Variants in CHAT observed in about 807,000 individuals in gnomAD.
The protein encoded by CHAT is acetyl CoA:choline O-acetyltransferase.
CHAT carries 61 observed loss-of-function variants against 76.9 expected under a neutral mutation model. The observed-to-expected ratio is 0.79, with a 90% CI of 0.65 to 0.98. The LOEUF is 0.98. CHAT is among the 50% of genes least tolerant of loss of function. CHAT has a pLI of 0.00. For synonymous variants in CHAT, 407 were observed against 397.4 expected, an observed-to-expected ratio of 1.02 and a Z score of -0.29; for missense variants, 946 against 986.9, an observed-to-expected ratio of 0.96 and a Z score of 0.56.
rs991870744 is a variant in CHAT, at chr10:49,619,756, A to G, written c.419A>G (p.Gln140Arg). The change falls in exon 3 of 15, where the codon CAG becomes CGG. Residue 140 changes from glutamine to arginine, a missense_variant. Around this residue, in one of 3 missense-constraint regions of CHAT, gnomAD observed 548 missense variants for 516.2 expected, o/e 1.06. Transcript: ENST00000337653. ...CCCAAACTGCCCGTGCCCCCGCTGC[A>G]GCAGACCCTGGCCACGTACCTGCAG... ...GLPKLPVPPL[Q>R]QTLATYLQCM... is the part of the protein sequence containing the mutation. 2.5e-6 allele frequency: 4 copies of G among 1,613,430 alleles called. No homozygotes were observed. Among genetic ancestry groups the G allele is most frequent in the Admixed American group, 3.3e-5 (2 of 59,998 alleles).
chr10:49,627,966 C>T (rs780163569), intron 7 of CHAT, among the ~76,000 whole-genome samples, 181 bp downstream of exon 7: 3 of 152,064 alleles, frequency 2.0e-5, no homozygotes, highest in Non-Finnish European at 4.4e-5. Flanking sequence ...TTTGTGCCCT[C>T]GTGTTCCATC....
Position 49,666,955 on chromosome 10 carries a change from G to C in CHAT, c.*1909G>C. Among the ~76,000 whole-genome samples, 1 of 152,134 alleles carries C rather than the reference G, an allele frequency of 6.6e-6. No homozygotes were observed. The highest frequency in any genetic ancestry group is 1.9e-4 in the East Asian group (1 of 5,180). On this transcript the variant is annotated 3_prime_UTR_variant, in exon 15 of 15. Transcript: ENST00000337653. Reference sequence around the variant, plus strand: ...CTCCTCCGGTTCCTTTCCCTCCATGGATTTCTGCGCAGACATAGAGCTCCA... The same window carrying C: ...CTCCTCCGGTTCCTTTCCCTCCATGCATTTCTGCGCAGACATAGAGCTCCA...
At chr10:49,620,363 T>C (rs909140458) in intron 3 of CHAT, 132 bp from the exon 4 acceptor site, 3 of 764,232 alleles carry the variant, frequency 3.9e-6, no homozygotes, top group African/African-American at 1.7e-5. Flanking sequence ...TCCTGGCACA[T>C]ACCTGGGGCT....
chr10:49,652,237 C>T (rs757236461), intron 11 of CHAT, among the ~76,000 whole-genome samples: 8 of 152,066 alleles, frequency 5.3e-5, no homozygotes, highest in Non-Finnish European at 8.8e-5. Flanking sequence ...CACAGGGGCA[C>T]GGAGCTCCAA....
intron 11 of CHAT, 21 bp from the exon 12 acceptor site, chr10:49,655,074 T>C (rs1839989961): frequency 1.2e-6 from 2 of 1,613,930 alleles, no homozygotes; most frequent in East Asian, 4.5e-5. Context: ...CCATGTGCCA[T>C]TCATCCTTCA....
intron 5 of CHAT, among the ~76,000 whole-genome samples, chr10:49,623,431 TTTAATTAA>T (rs563263302): frequency 6.6e-6 from 1 of 152,220 alleles, no homozygotes; most frequent in Admixed American, 6.5e-5. Context: ...GTTTTGAACC[TTTAATTAA>T]TTAATTAATT....
chr10:49,662,822 C>A, intron 14 of CHAT, 40 bp downstream of exon 14: 1 of 1,613,760 alleles, frequency 6.2e-7, no homozygotes, highest in South Asian at 1.1e-5. Context: ...GTAGTGTAGT[C>A]AGTAAGCTTT....
intron 11 of CHAT, 150 bp from the exon 12 acceptor site, chr10:49,654,945 C>T (rs1839985644): frequency 2.2e-6 from 2 of 895,766 alleles, no homozygotes; most frequent in Non-Finnish European, 3.5e-6. Flanking sequence ...TGGGAATTCC[C>T]TCTAGAATTC....
upstream of CHAT, chr10:49,610,554 C>A: frequency 1.8e-6 from 1 of 546,138 alleles, no homozygotes; most frequent in Non-Finnish European, 3.0e-6. Context: ...AGCTGCAACG[C>A]CTCGCCGGAC....
chr10:49,643,170 A>G (rs145799608), intron 7 of CHAT, among the ~76,000 whole-genome samples: 1 of 152,386 alleles, frequency 6.6e-6, no homozygotes, highest in Non-Finnish European at 1.5e-5. Context: ...TATATGCATC[A>G]ATATGCATGT....
chr10:49,611,285 G>T, upstream of CHAT: 1 of 1,609,890 alleles, frequency 6.2e-7, no homozygotes, highest in Non-Finnish European at 8.5e-7. Context: ...TTCGCGGCGC[G>T]CAGCCTGCAG....
intron 2 of CHAT, among the ~76,000 whole-genome samples, chr10:49,618,832 T>G (rs1319179793): frequency 6.6e-6 from 1 of 152,216 alleles, no homozygotes; most frequent in Non-Finnish European, 1.5e-5. Context: ...AAGTATAAGA[T>G]AGCGAGGTCA....
intron 7 of CHAT, among the ~76,000 whole-genome samples, chr10:49,642,814 T>C (rs115136176): frequency 0.027 from 4,160 of 152,356 alleles, 54 homozygotes; most frequent in Middle Eastern, 0.034. Flanking sequence ...GTGTACAGCA[T>C]TCAAGCTGCC....
chr10:49,614,425 C>A lies in CHAT; in HGVS notation c.236C>A (p.Pro79His). The change falls in exon 1 of 15, where the codon CCT becomes CAT. Residue 79 changes from proline (P) to histidine (H), a missense_variant. Coordinates refer to ENST00000337653, the MANE Select transcript of CHAT (RefSeq NM_020549.5). ...PLPAHTPAHT[P>H]EWCGAASAEA... ...CCGGCTCACACCCCCGCCCACACTC[C>A]TGAGTGGTGCGGTGCAGCGTCGGCC... 1.9e-6 allele frequency: 3 copies of A among 1,547,752 alleles called. No individual in the cohort carries two copies. The highest frequency in any genetic ancestry group is 2.6e-6 in the Non-Finnish European group (3 of 1,146,742).
intron 7 of CHAT, chr10:49,637,316 T>C (rs896271110): frequency 3.3e-5 from 5 of 152,198 alleles, no homozygotes; most frequent in Admixed American, 3.3e-4. Context: ...TCATATGGTG[T>C]ATTTTAGTTT....
chr10:49,635,583 C>T (rs542961578), intron 7 of CHAT, among the ~76,000 whole-genome samples: 3 of 152,258 alleles, frequency 2.0e-5, no homozygotes, highest in East Asian at 1.9e-4. Context: ...TGCATCTTTG[C>T]CAGCATTTGG....
At chr10:49,649,445 G>C (rs1336201015) in intron 9 of CHAT, 63 bp from the exon 10 acceptor site, 3 of 1,611,838 alleles carry the variant, frequency 1.9e-6, no homozygotes, top group Non-Finnish European at 2.5e-6. Context: ...ACAGAGCAAA[G>C]AAGAGATGCC....
In CHAT at chr10:49,625,569, C is replaced by G; in HGVS notation, c.849C>G (p.Pro283=). ...GGCTCTTCTCCTCCTACCGGCTCCC[C>G]GGCCATACCCAGGACACGCTGGTGG... The part of the protein sequence containing the change: ...YYGLFSSYRL[P]GHTQDTLVAQ... The change falls in exon 6 of 15, where the codon CCC becomes CCG. Residue 283 remains proline, a synonymous_variant. Coordinates refer to ENST00000337653, the MANE Select transcript of CHAT (RefSeq NM_020549.5). 1.2e-6 allele frequency: 2 copies of G among 1,612,172 alleles called. No homozygotes were observed. The highest frequency in any genetic ancestry group is 1.7e-6 in the Non-Finnish European group (2 of 1,179,276).
intron 8 of CHAT, chr10:49,647,051 G>T (rs1030339201): frequency 1.0e-5 from 3 of 297,966 alleles, no homozygotes; most frequent in African/African-American, 6.4e-5. Context: ...CAGCCCCACT[G>T]AACAAATCCT....
Sources: allele counts gnomAD v4.1 joint callset (sites outside exome capture counted in the v4.1 genomes callset), GRCh38; gene constraint gnomAD v4.1.1; regional missense constraint gnomAD v4.1.1; transcripts MANE v1.5; gene names NCBI Gene and HGNC (gene_info 2026-07-23, HGNC 2026-07-21).